The following PCDH15 variants were observed in gnomAD, a reference collection of about 807,000 sequenced individuals.
The protein encoded by PCDH15 is protocadherin-15.
Under a neutral mutation model 178.5 loss-of-function variants are expected in PCDH15, and 129 were observed. The observed-to-expected ratio is 0.72, with a 90% confidence interval of 0.63 to 0.84. PCDH15 has a LOEUF of 0.84. Among genes scored for constraint, PCDH15 ranks in the 40% least tolerant of loss-of-function variants. The pLI, the probability that PCDH15 is intolerant of heterozygous loss-of-function variation, is 0.00. For missense variants in PCDH15, 2,230 were observed against 2,099.9 expected (o/e 1.06, Z -1.21); for synonymous variants, 800 against 732.0 (o/e 1.09, Z -1.50).
At position 53,810,578 on chromosome 10, in the gene PCDH15, T is replaced by C. The variant is rs754659921; in HGVS notation, c.4649A>G (p.Glu1550Gly). Residue 1550 changes from glutamate (E) to glycine (G), a missense_variant, in exon 37 of 38, where the codon GAG becomes GGG. Coordinates refer to ENST00000644397, the MANE Select transcript of PCDH15 (RefSeq NM_001384140.1). ...EEYGEVVGEA[E>G]EEYEEEEWAR... ...TACCTCTTCCTCCTCATATTCTTCC[T>C]CAGCTTCACCAACCACCTCACCATA... The C allele has an allele frequency of 1.6e-5, 26 of 1,613,696 alleles. No individual in the cohort carries two copies. The highest frequency in any genetic ancestry group is 2.2e-5 in the Non-Finnish European group (26 of 1,179,800).
chr10:53,858,107 A>C (rs11003886), intron 27 of PCDH15, among the ~76,000 whole-genome samples: 1 of 151,876 alleles, frequency 6.6e-6, no homozygotes, highest in Non-Finnish European at 1.5e-5. Flanking sequence ...ACTATTATCC[A>C]ATACTGATAT....
intron 8 of PCDH15, among the ~76,000 whole-genome samples, chr10:54,283,591 ATG>A (rs2132779888): frequency 6.6e-6 from 1 of 152,268 alleles, no homozygotes; most frequent in South Asian, 2.1e-4. Context: ...TTATTTCTTC[ATG>A]TATTTATTAC....
intron 2 of PCDH15, among the ~76,000 whole-genome samples, chr10:55,416,852 C>G (rs1315226415): frequency 6.6e-6 from 1 of 151,692 alleles, no homozygotes; most frequent in South Asian, 2.1e-4. Context: ...AAACAAAATT[C>G]CTATATTTTC....
intron 12 of PCDH15, among the ~76,000 whole-genome samples, chr10:54,184,282 C>T (rs1388370736): frequency 6.6e-6 from 1 of 152,116 alleles, no homozygotes; most frequent in Non-Finnish European, 1.5e-5. Flanking sequence ...TCTATGTAGG[C>T]TTCTCCAGAA....
intron 2 of PCDH15, among the ~76,000 whole-genome samples, chr10:54,654,167 G>C (rs2135251990): frequency 6.6e-6 from 1 of 152,066 alleles, no homozygotes; most frequent in East Asian, 1.9e-4. Context: ...ACCAGCTTCT[G>C]GTAACCACCA....
At chr10:55,232,166 T>G (rs978112337) in intron 1 of PCDH15, among the ~76,000 whole-genome samples, 1 of 151,712 alleles carries the variant, frequency 6.6e-6, no homozygotes, top group Non-Finnish European at 1.5e-5. Flanking sequence ...ATGTGAAGTT[T>G]AATGAGGTAG....
chr10:54,202,051 T>G (rs1245054935), intron 10 of PCDH15, among the ~76,000 whole-genome samples: 2 of 152,128 alleles, frequency 1.3e-5, no homozygotes, highest in Non-Finnish European at 2.9e-5. Context: ...AAGGCCTATT[T>G]ATATGCATTT....
chr10:55,127,016 C>G (rs1837918966), intron 2 of PCDH15, among the ~76,000 whole-genome samples: 2 of 152,044 alleles, frequency 1.3e-5, no homozygotes, highest in Admixed American at 1.3e-4. Flanking sequence ...CCACCCCACA[C>G]ACAAAAACTA....
chr10:54,311,675 CT>C (rs1402978302), intron 8 of PCDH15, among the ~76,000 whole-genome samples: 1 of 151,980 alleles, frequency 6.6e-6, no homozygotes, highest in East Asian at 1.9e-4. Flanking sequence ...CTATGAATTG[CT>C]TTCTACCTTT....
rs528511411 is a variant in PCDH15 at position 54,118,363 on chromosome 10, TA to T, written c.1917+14511del. ...AACTGGATTCCTAGTTTTCATCATA[TA>T]AAAAAAAGTAACCCGGCTGGGTGTG... On this transcript the variant is annotated intron_variant, in intron 15 of 37. Transcript: ENST00000644397. Among the ~76,000 whole-genome samples the T allele has an allele frequency of 3.5e-3, 536 of 151,942 alleles. 4 individuals are homozygous for T. The highest frequency in any genetic ancestry group is 0.02 in the Middle Eastern group (6 of 294).
At chr10:55,477,521 C>A (rs1840086161) in intron 2 of PCDH15, among the ~76,000 whole-genome samples, 1 of 151,904 alleles carries the variant, frequency 6.6e-6, no homozygotes, top group Non-Finnish European at 1.5e-5. Flanking sequence ...AATGGTCATT[C>A]TTTCTATGCC....
chr10:55,275,168 C>A (rs1334616348), intron 1 of PCDH15, among the ~76,000 whole-genome samples: 2 of 142,052 alleles, frequency 1.4e-5, no homozygotes, highest in Non-Finnish European at 3.1e-5. Context: ...ATTTTGCAAT[C>A]TGTTTAATGG....
chr10:54,717,096 T>C (rs1288290386), intron 1 of PCDH15, among the ~76,000 whole-genome samples: 1 of 144,870 alleles, frequency 6.9e-6, no homozygotes, highest in Non-Finnish European at 1.5e-5. Flanking sequence ...TTACACCTTA[T>C]ACAAAAATTA....
chr10:54,098,223 T>G (rs1397697235), intron 15 of PCDH15, among the ~76,000 whole-genome samples: 1 of 146,944 alleles, frequency 6.8e-6, no homozygotes, highest in African/African-American at 2.6e-5. Flanking sequence ...TGTGTGTGTG[T>G]GTGTGTGTGT....
chr10:54,761,348 T>G (rs1947850639), intron 1 of PCDH15, among the ~76,000 whole-genome samples: 1 of 152,094 alleles, frequency 6.6e-6, no homozygotes, highest in Admixed American at 6.6e-5. Flanking sequence ...TATGCTCAAC[T>G]CTGAAGCTAG....
At chr10:54,410,206 G>C (rs921927785) in intron 3 of PCDH15, among the ~76,000 whole-genome samples, 1 of 152,086 alleles carries the variant, frequency 6.6e-6, no homozygotes, top group Non-Finnish European at 1.5e-5. Context: ...ATTTGGGAAG[G>C]GATGGATTTG....
rs55793083 is a variant in PCDH15 at position 53,866,446 on chromosome 10, AAT to A, written c.3717+194_3717+195del. ...ATAAACACCTTACGGTGTTTTTGTA[AAT>A]ATATATATATATATATATATGAACA... On this transcript the variant is annotated intron_variant, in intron 27 of 37. Transcript: ENST00000644397. 0.28 allele frequency among the ~76,000 whole-genome samples: 40,411 copies of A among 145,698 alleles called. 7,062 individuals are homozygous for A. The highest frequency in any genetic ancestry group is 0.73 in the East Asian group (3,643 of 5,010).
intron 6 of PCDH15, among the ~76,000 whole-genome samples, chr10:54,336,092 G>C (rs1941059039): frequency 6.6e-6 from 1 of 152,120 alleles, no homozygotes; most frequent in South Asian, 2.1e-4. Context: ...GTGGAACCTT[G>C]AATTTGAGGG....
chr10:54,444,398 A>G lies in PCDH15; in HGVS notation c.158-65456T>C, dbSNP rs140923900. 6.4e-3 allele frequency among the ~76,000 whole-genome samples: 971 copies of G among 151,876 alleles called. 10 individuals are homozygous for G. The highest frequency in any genetic ancestry group is 0.023 in the African/African-American group (942 of 41,506). ...CTCTTTGTAGACACACTCACGGATG[A>G]TTCATACTCCCTGACCTGGAGTAGC... On this transcript the variant is annotated intron_variant, in intron 3 of 37. Coordinates refer to ENST00000644397, the MANE Select transcript of PCDH15 (RefSeq NM_001384140.1).
Sources: gnomAD v4.1 joint callset for allele counts (sites outside exome capture counted in the v4.1 genomes callset) on GRCh38, gnomAD v4.1.1 for gene constraint, MANE v1.5 for transcripts, NCBI Gene and HGNC (gene_info 2026-07-23, HGNC 2026-07-21) for gene names.